Variants in HERC1 observed in about 807,000 individuals in gnomAD.
HERC1 encodes the protein HECT and RLD domain containing E3 ubiquitin protein ligase family member 1.
A neutral mutation model predicts 554.3 loss-of-function variants in HERC1; 160 were observed. The ratio of observed to expected loss-of-function variants is 0.29; its 90% CI spans 0.25 to 0.33. HERC1 has a LOEUF of 0.33. HERC1 is among the 10% of genes least tolerant of loss of function. HERC1 has a pLI of 1.00. For missense variants in HERC1, 4,919 were observed against 5,918.5 expected, an observed-to-expected ratio of 0.83 and a Z score of 5.54; for synonymous variants, 2,175 against 2,131.7, an observed-to-expected ratio of 1.02 and a Z score of -0.56.
At chr15:63,646,461 AT>A (rs2069343901) in intron 55 of HERC1, among the ~76,000 whole-genome samples, 1 of 151,924 alleles carries the variant, frequency 6.6e-6, no homozygotes, top group Non-Finnish European at 1.5e-5. Flanking sequence ...ATGTAAAAAA[AT>A]TTTAAAAGAA....
chr15:63,759,975 T>C (rs2075553253), intron 3 of HERC1, among the ~76,000 whole-genome samples: 1 of 152,136 alleles, frequency 6.6e-6, no homozygotes, highest in Non-Finnish European at 1.5e-5. Flanking sequence ...AGGAGGATAG[T>C]GGGGCCAAGG....
chr15:63,725,591 G>T, intron 17 of HERC1, 78 bp from the exon 18 acceptor site: 1 of 1,121,588 alleles, frequency 8.9e-7, no homozygotes, highest in Non-Finnish European at 1.3e-6. Context: ...GTCTCCTACC[G>T]TACTGCAATA....
In HERC1 at chr15:63,658,430, C is replaced by A. The variant is rs1034085377; in HGVS notation, c.9599+114G>T. ...ACTACGTCTAACATCTTTCATTCAACAGTACATATTCAAGCTTCTAAAATT... is the reference window on the plus strand; with the variant it reads ...ACTACGTCTAACATCTTTCATTCAAAAGTACATATTCAAGCTTCTAAAATT... On this transcript the variant is annotated intron_variant, in intron 48 of 77. Coordinates refer to ENST00000443617, the MANE Select transcript of HERC1 (RefSeq NM_003922.4). 20 of 780,506 alleles carry A rather than the reference C, an allele frequency of 2.6e-5. No individual in the cohort carries two copies. In the African/African-American group the frequency reaches 2.8e-4, roughly 11 times the overall value. The allele number at this position is 780,506 out of a possible 1,614,324, so 48.3% of individuals were successfully genotyped here. A position where few individuals can be genotyped will look rare whatever the true frequency, so the allele number is the denominator to read the frequency against.
intron 3 of HERC1, 98 bp downstream of exon 3, chr15:63,763,998 A>T: frequency 3.3e-6 from 2 of 605,496 alleles, no homozygotes; most frequent in Non-Finnish European, 2.5e-6. Context: ...TTCCTTTTGT[A>T]GCTTTTCCAG....
At chr15:63,691,935 A>ATGTG (rs528828105) in intron 31 of HERC1, among the ~76,000 whole-genome samples, 4 of 152,258 alleles carry the variant, frequency 2.6e-5, no homozygotes, top group Non-Finnish European at 5.9e-5. Context: ...ACTGTAATCT[A>ATGTG]TGTAAGCAGA....
rs1189675983 is a variant in HERC1, at chr15:63,636,167, G to A, written c.12233-25C>T. ...CCTGGAACAGAACAGAAACCCAACAGGAGTCACTGGATGTTAAAACTCTCC... is the reference window on the plus strand; with the variant it reads ...CCTGGAACAGAACAGAAACCCAACAAGAGTCACTGGATGTTAAAACTCTCC... On this transcript the variant is annotated intron_variant, in intron 64 of 77. Coordinates refer to ENST00000443617, the MANE Select transcript of HERC1 (RefSeq NM_003922.4). 2 of 1,600,048 alleles carry A rather than the reference G, an allele frequency of 1.2e-6. 1 individual carries two copies.
intron 1 of HERC1, among the ~76,000 whole-genome samples, chr15:63,797,956 A>G (rs2076861925): frequency 6.6e-6 from 1 of 152,182 alleles, no homozygotes; most frequent in Non-Finnish European, 1.5e-5. Context: ...GTCCAGTGCT[A>G]TTTTCACTGC....
intron 24 of HERC1, among the ~76,000 whole-genome samples, chr15:63,712,220 C>A (rs1448209803): frequency 6.6e-6 from 1 of 152,078 alleles, no homozygotes; most frequent in Non-Finnish European, 1.5e-5. Context: ...GTGAGGCAAC[C>A]AGTTTGAAGG....
Position 63,672,521 on chromosome 15 carries a change from C to T in HERC1, c.8020G>A (p.Gly2674Arg), listed in dbSNP as rs570417481. The change falls in exon 39 of 78, where the codon GGA (glycine) becomes AGA (arginine). Residue 2674 changes from glycine to arginine, a missense_variant. Physicochemically the swap from Gly to Arg is moderately radical, Grantham distance 125. This residue lies in a region of HERC1 where 1,963 missense variants were observed against 2,228.6 expected (regional missense o/e 0.88). Coordinates refer to ENST00000443617, the MANE Select transcript of HERC1 (RefSeq NM_003922.4). ...TETVPASESP[G>R]VMPLSLLRQM... Reference sequence around the variant, plus strand: ...CTGAGAAGACTAAGAGGCATCACTCCCGGGGACTCGGATGCAGGCACTGTT... The same window carrying T: ...CTGAGAAGACTAAGAGGCATCACTCTCGGGGACTCGGATGCAGGCACTGTT... 1.2e-5 allele frequency: 19 copies of T among 1,601,226 alleles called. No homozygotes were observed. Among genetic ancestry groups the T allele is most frequent in the Non-Finnish European group, 1.6e-5 (19 of 1,173,816 alleles).
intron 32 of HERC1, among the ~76,000 whole-genome samples, chr15:63,690,100 C>G (rs557377651): frequency 7.1e-4 from 105 of 148,578 alleles, no homozygotes; most frequent in Non-Finnish European, 1.0e-3. Flanking sequence ...GAGGCGGAGG[C>G]TGCAGTGAGC....
intron 1 of HERC1, among the ~76,000 whole-genome samples, chr15:63,789,748 A>G (rs1202739589): frequency 6.6e-6 from 1 of 151,760 alleles, no homozygotes; most frequent in Non-Finnish European, 1.5e-5. Flanking sequence ...CAGTGAGCCG[A>G]GATGATGCCA....
At position 63,692,710 on chromosome 15, in the gene HERC1, G is replaced by T; in HGVS notation, c.5675-144C>A. ...AGCTACTGAATTCTGAAAACTTAAAGAACAGAATGGGGAAAGGTCAGAAAA... is the reference window on the plus strand; with the variant it reads ...AGCTACTGAATTCTGAAAACTTAAATAACAGAATGGGGAAAGGTCAGAAAA... On this transcript the variant is annotated intron_variant, in intron 30 of 77. Coordinates refer to ENST00000443617, the MANE Select transcript of HERC1 (RefSeq NM_003922.4). The surrounding 1 kb of genome is among the most constrained non-coding windows in gnomAD (Gnocchi z 4.7). The T allele has an allele frequency of 1.4e-6, 1 of 713,936 alleles. No individual in the cohort carries two copies. The highest frequency in any genetic ancestry group is 2.2e-6 in the Non-Finnish European group (1 of 450,110). 44.2% of individuals were successfully genotyped at this position (713,936 alleles called of 1,614,324 possible).
Position 63,757,970 on chromosome 15 carries a change from A to G in HERC1, c.1221+205T>C, listed in dbSNP as rs12912296. Among the ~76,000 whole-genome samples the G allele has an allele frequency of 0.51, 77,488 of 152,020 alleles. 20,661 individuals are homozygous for G. The highest frequency in any genetic ancestry group is 0.55 in the Non-Finnish European group (37,425 of 67,954). The stretch of plus-strand genomic sequence containing the variant: ...TGATCCACCTGCCTCAGCCTCCCAA[A>G]GTGCTGGGATTACAGGCGTGAGCCA... On this transcript the variant is annotated intron_variant, in intron 4 of 77. Coordinates refer to ENST00000443617, the MANE Select transcript of HERC1 (RefSeq NM_003922.4).
chr15:63,648,093 GCCT>G lies in HERC1; in HGVS notation c.10851_10853del (p.Gly3618del). The G allele has an allele frequency of 6.4e-7, 1 of 1,561,682 alleles. No individual in the cohort carries two copies. Among genetic ancestry groups the G allele is most frequent in the Non-Finnish European group, 8.7e-7 (1 of 1,151,294 alleles). On this transcript the variant is annotated inframe_deletion, in exon 55 of 78. Transcript: ENST00000443617. Reference sequence around the variant, plus strand: ...CCTTATGTGCATCAATTAGAACAATGCCTCCTTTCTCAAGTGGTTCCTTTGTTC... The same window carrying G: ...CCTTATGTGCATCAATTAGAACAATGCCTTTCTCAAGTGGTTCCTTTGTTC...
rs2072566616 is a variant in HERC1 at position 63,698,778 on chromosome 15, T to C, written c.4855A>G (p.Ser1619Gly). 1 of 1,613,830 alleles carries C rather than the reference T, an allele frequency of 6.2e-7. No homozygotes were observed. The highest frequency in any genetic ancestry group is 1.3e-5 in the African/African-American group (1 of 74,930). ...ATTGCAATGATGGAGGCCTGGGGACTTGTAGACATACTTTCCTCTGGCTCT... is the reference window on the plus strand; with the variant it reads ...ATTGCAATGATGGAGGCCTGGGGACCTGTAGACATACTTTCCTCTGGCTCT... ...FKEPEESMST[S>G]PQASIIAMEQ... is the part of the protein sequence containing the mutation. The change falls in exon 26 of 78, where the codon AGT becomes GGT. Residue 1619 changes from serine to glycine, a missense_variant. Transcript: ENST00000443617.
At chr15:63,616,818 A>G (rs1254262349) in intron 74 of HERC1, 136 bp from the exon 75 acceptor site, 2 of 764,912 alleles carry the variant, frequency 2.6e-6, no homozygotes, top group East Asian at 2.7e-5. Context: ...AGGCTAAAGT[A>G]ATTAAATAAA....
chr15:63,627,501 C>T (rs1206819625), intron 70 of HERC1, among the ~76,000 whole-genome samples: 2 of 152,062 alleles, frequency 1.3e-5, no homozygotes, highest in Non-Finnish European at 2.9e-5. Context: ...TGGCGAAACA[C>T]CATCTCTACT....
chr15:63,803,863 CTTA>C (rs1257165898), intron 1 of HERC1, among the ~76,000 whole-genome samples: 1 of 152,124 alleles, frequency 6.6e-6, no homozygotes, highest in Non-Finnish European at 1.5e-5. Context: ...GACTTTTAAG[CTTA>C]TTATTAATAT....
rs1385457375 is a variant in HERC1, at chr15:63,619,602, G to T, written c.13689-2920C>A. ...GCTCCTCCTTGTACCTCTGGTAGAA[G>T]TTGGCTGTGAATCCGTCTGGTCCTG... On this transcript the variant is annotated intron_variant, in intron 74 of 77. Coordinates refer to ENST00000443617, the MANE Select transcript of HERC1 (RefSeq NM_003922.4). Among the ~76,000 whole-genome samples the T allele has an allele frequency of 3.3e-5, 5 of 152,266 alleles. No homozygotes were observed. The East Asian group carries it at 7.7e-4, about 23-fold the overall frequency.
Sources: allele counts gnomAD v4.1 joint callset (sites outside exome capture counted in the v4.1 genomes callset), GRCh38; gene constraint gnomAD v4.1.1; regional missense constraint gnomAD v4.1.1; non-coding constraint Gnocchi (gnomAD v3.1); transcripts MANE v1.5; gene names NCBI Gene and HGNC (gene_info 2026-07-23, HGNC 2026-07-21).